The following ZNF697 variants were observed in gnomAD, a reference collection of about 807,000 sequenced individuals.
ZNF697 encodes the protein zinc finger protein 697.
ZNF697 carries 23 observed loss-of-function variants against 32.4 expected under a neutral mutation model. The ratio of observed to expected loss-of-function variants is 0.71; its 90% CI spans 0.51 to 1.01. ZNF697 has a LOEUF of 1.01. ZNF697 is among the 50% of genes least tolerant of loss of function. The probability of loss-of-function intolerance (pLI) is 0.00; values close to 1 mark genes in which losing one functional copy is unlikely to be tolerated. For missense variants in ZNF697, 930 were observed against 794.0 expected (o/e 1.17, Z -2.06); for synonymous variants, 418 against 337.2 (o/e 1.24, Z -2.62).
In ZNF697 at chr1:119,623,830, G is replaced by A. The variant is rs76236163; in HGVS notation, c.513C>T (p.Ala171=). 2 of 1,545,188 alleles carry A rather than the reference G, an allele frequency of 1.3e-6. No homozygotes were observed. The highest frequency in any genetic ancestry group is 1.2e-5 in the South Asian group (1 of 83,074). The change falls in exon 3 of 3, where the codon GCC becomes GCT. Residue 171 remains alanine, a synonymous_variant. Transcript: ENST00000421812. ...RRFHRLHHPM[A]VDLGELDSLV... is the part of the protein sequence containing the mutation. ...GGCTATCCAGCTCCCCGAGGTCCAC[G>A]GCCATGGGGTGGTGGAGCCGGTGGA...
chr1:119,633,917 G>T (rs184628512), intron 1 of ZNF697, among the ~76,000 whole-genome samples: 100 of 152,340 alleles, frequency 6.6e-4, no homozygotes, highest in Admixed American at 2.2e-3. Flanking sequence ...ACATGTGTGT[G>T]TTATCTGGAT....
intron 1 of ZNF697, among the ~76,000 whole-genome samples, chr1:119,631,915 C>T (rs1397218848): frequency 6.6e-6 from 1 of 152,232 alleles, no homozygotes; most frequent in East Asian, 1.9e-4. Flanking sequence ...CCCAAGGGAG[C>T]GCTTCCATAG....
intron 1 of ZNF697, among the ~76,000 whole-genome samples, chr1:119,637,198 T>TA (rs1193195830): frequency 1.3e-5 from 2 of 152,210 alleles, no homozygotes; most frequent in East Asian, 3.9e-4. Flanking sequence ...AATACCCAGA[T>TA]AAAGAAGGGC....
chr1:119,638,973 A>G (rs1163388744), intron 1 of ZNF697, among the ~76,000 whole-genome samples: 2 of 152,188 alleles, frequency 1.3e-5, no homozygotes, highest in African/African-American at 4.8e-5. Context: ...TAGTTTAATC[A>G]TCTACACAAT....
intron 1 of ZNF697, among the ~76,000 whole-genome samples, chr1:119,638,823 G>A (rs372204130): frequency 3.9e-5 from 6 of 152,252 alleles, no homozygotes; most frequent in South Asian, 2.1e-4. Flanking sequence ...GTGCTGTCCC[G>A]CATGTCCCAT....
At chr1:119,644,661 T>TAAGTCATCAGATTAGAC (rs1553230153) in intron 1 of ZNF697, among the ~76,000 whole-genome samples, 2 of 151,328 alleles carry the variant, frequency 1.3e-5, no homozygotes, top group Non-Finnish European at 2.9e-5. Flanking sequence ...TCAGATTAAA[T>TAAGTCATCAGATTAGAC]AAGTCATCAG....
intron 1 of ZNF697, among the ~76,000 whole-genome samples, chr1:119,642,312 G>A (rs1000234723): frequency 2.6e-5 from 4 of 152,240 alleles, no homozygotes; most frequent in African/African-American, 2.4e-5. Flanking sequence ...TTATACATTC[G>A]TCAAAACCAT....
At chr1:119,646,179 C>T (rs1649196934) in intron 1 of ZNF697, among the ~76,000 whole-genome samples, 1 of 152,100 alleles carries the variant, frequency 6.6e-6, no homozygotes, top group Admixed American at 6.5e-5. Flanking sequence ...TTCTGAAAAG[C>T]CATCTATGTG....
Position 119,627,271 on chromosome 1 carries a change from C to G in ZNF697, c.-37-1134G>C, listed in dbSNP as rs980043847. ...GGAGCTCTTCCTGCCTCTGTGGAGG[C>G]CTTCTCTGAGGTGGCCCTGGTTCTA... is the stretch of plus-strand genomic sequence containing the variant. On this transcript the variant is annotated intron_variant, in intron 1 of 2. Coordinates refer to ENST00000421812, the MANE Select transcript of ZNF697 (RefSeq NM_001080470.2). Among the ~76,000 whole-genome samples the G allele has an allele frequency of 2.0e-5, 3 of 152,138 alleles. No individual in the cohort carries two copies. In the East Asian group the frequency reaches 5.8e-4, roughly 29 times the overall value.
At position 119,623,862 on chromosome 1, in the gene ZNF697, G is replaced by A. The variant is rs1228035666; in HGVS notation, c.481C>T (p.Arg161Cys). 6 of 1,541,854 alleles carry A rather than the reference G, an allele frequency of 3.9e-6. No homozygotes were observed. Among genetic ancestry groups the A allele is most frequent in the Non-Finnish European group, 5.3e-6 (6 of 1,141,106 alleles). ...GGGTGGTGGAGCCGGTGGAAGCGGCGGTGGGCGGGCTTGTCACCTCGGTGC... is the reference window on the plus strand; with the variant it reads ...GGGTGGTGGAGCCGGTGGAAGCGGCAGTGGGCGGGCTTGTCACCTCGGTGC... ...SRHRGDKPAH[R>C]RFHRLHHPMA... Residue 161 changes from arginine (R) to cysteine (C), a missense_variant, in exon 3 of 3, where the codon CGC (arginine) becomes TGC (cysteine). Physicochemically the swap from Arg to Cys is radical, Grantham distance 180. Transcript: ENST00000421812.
At chr1:119,625,285 G>A (rs1295869125) in intron 2 of ZNF697, among the ~76,000 whole-genome samples, 1 of 152,182 alleles carries the variant, frequency 6.6e-6, no homozygotes, top group African/African-American at 2.4e-5. Flanking sequence ...CACTGAGCAG[G>A]ATAAAGTAAT....
Position 119,622,960 on chromosome 1 carries a change from G to T in ZNF697, c.1383C>A (p.Gly461=). Residue 461 remains glycine, a synonymous_variant, in exon 3 of 3, where the codon GGC becomes GGA. Coordinates refer to ENST00000421812, the MANE Select transcript of ZNF697 (RefSeq NM_001080470.2). ...HLVNHLRVHT[G]EKPFRCGQCE... ...ACTGGCCACAGCGGAAGGGCTTCTC[G>T]CCGGTGTGCACGCGCAGGTGGTTCA... is the stretch of plus-strand genomic sequence containing the variant. 6.2e-7 allele frequency: 1 copy of T among 1,603,134 alleles called. No homozygotes were observed.
At chr1:119,647,383 G>C (rs1205630881) in intron 1 of ZNF697, among the ~76,000 whole-genome samples, 2 of 152,136 alleles carry the variant, frequency 1.3e-5, no homozygotes, top group African/African-American at 4.8e-5. Flanking sequence ...TGCCTCCCGG[G>C]GCTAGACGGC....
Position 119,625,897 on chromosome 1 carries a change from T to G in ZNF697, c.204A>C (p.Glu68Asp), listed in dbSNP as rs1648565785. 1 of 1,613,524 alleles carries G rather than the reference T, an allele frequency of 6.2e-7. No homozygotes were observed. The highest frequency in any genetic ancestry group is 1.1e-5 in the South Asian group (1 of 91,066). The change falls in exon 2 of 3, where the codon GAA becomes GAC. Residue 68 changes from glutamate (E) to aspartate (D), a missense_variant. Coordinates refer to ENST00000421812, the MANE Select transcript of ZNF697 (RefSeq NM_001080470.2). ...CACCTGTGCAGATGTCGGGCACTGC[T>G]TCCCTGTGCCTTGAGTCCTGTGGGT... ...GSNPQDSRHR[E>D]AVPDICTEGQ...
chr1:119,635,285 A>G (rs868493802), intron 1 of ZNF697, among the ~76,000 whole-genome samples: 11 of 152,208 alleles, frequency 7.2e-5, no homozygotes, highest in Non-Finnish European at 2.9e-5. Context: ...GAGTGGTTAC[A>G]AGGCTTAATA....
intron 1 of ZNF697, among the ~76,000 whole-genome samples, chr1:119,631,616 G>GC (rs1648777559): frequency 7.0e-6 from 1 of 143,294 alleles, no homozygotes; most frequent in South Asian, 2.2e-4. Flanking sequence ...CCCCGCCTGG[G>GC]CCCCGCCAGC....
intron 1 of ZNF697, among the ~76,000 whole-genome samples, chr1:119,634,829 A>G (rs1376964412): frequency 6.6e-6 from 1 of 152,224 alleles, no homozygotes; most frequent in African/African-American, 2.4e-5. Context: ...TTATAAGACA[A>G]CGGAGGAACT....
chr1:119,622,870 C>T lies in ZNF697; in HGVS notation c.1473G>A (p.Lys491=), dbSNP rs779020008. The change falls in exon 3 of 3, where the codon AAG becomes AAA. Residue 491 remains lysine, a synonymous_variant. Transcript: ENST00000421812. The stretch of plus-strand genomic sequence containing the variant: ...TGCCGCACTCGATGCACGTGTAGGG[C>T]TTCTCGCCCGTGTGCGTGCGCTGGT... ...TQHQRTHTGE[K]PYTCIECGKS... The T allele has an allele frequency of 6.2e-6, 10 of 1,610,446 alleles. No individual in the cohort carries two copies. In the South Asian group the frequency reaches 8.8e-5, roughly 14 times the overall value.
Position 119,648,141 on chromosome 1 carries a change from G to A in ZNF697, c.-488C>T, listed in dbSNP as rs1463901104. Among the ~76,000 whole-genome samples the A allele has an allele frequency of 6.6e-6, 1 of 151,812 alleles. No individual in the cohort carries two copies. Among genetic ancestry groups the A allele is most frequent in the Non-Finnish European group, 1.5e-5 (1 of 67,924 alleles). On this transcript the variant is annotated 5_prime_UTR_variant, in exon 1 of 3. In the 5' UTR this introduces an upstream ATG that the reference lacks. Transcript: ENST00000421812. ...CGGCCCGAGCCCCGCACCGCAGCGCGTCTGCCCTTGTGCGGCGGCGGCGGC... is the reference window on the plus strand; with the variant it reads ...CGGCCCGAGCCCCGCACCGCAGCGCATCTGCCCTTGTGCGGCGGCGGCGGC...
Sources: gnomAD v4.1 joint callset for allele counts (sites outside exome capture counted in the v4.1 genomes callset) on GRCh38, gnomAD v4.1.1 for gene constraint, MANE v1.5 for transcripts, NCBI Gene and HGNC (gene_info 2026-07-23, HGNC 2026-07-21) for gene names.